Variants in KRT25 observed in about 807,000 individuals in gnomAD.
KRT25 encodes keratin, type I cytoskeletal 25.
KRT25 carries 37 observed loss-of-function variants against 47.6 expected under a neutral mutation model. The observed-to-expected ratio is 0.78, with a 90% CI of 0.60 to 1.02. The LOEUF (loss-of-function observed/expected upper bound fraction) is 1.02. KRT25 is among the 50% of genes least tolerant of loss of function. The pLI is 0.00. For missense variants in KRT25, 542 were observed against 550.3 expected, an observed-to-expected ratio of 0.98 and a Z score of 0.15; for synonymous variants, 203 against 210.2, an observed-to-expected ratio of 0.97 and a Z score of 0.30.
chr17:40,754,734 A>G (rs1458224044), intron 1 of KRT25, 109 bp downstream of exon 1: 2 of 1,187,614 alleles, frequency 1.7e-6, no homozygotes, highest in Non-Finnish European at 2.3e-6. Flanking sequence ...AAAAAAAAAA[A>G]AAAAATCACA....
chr17:40,755,347 G>C, upstream of KRT25: 1 of 1,438,300 alleles, frequency 7.0e-7, no homozygotes, highest in Non-Finnish European at 9.4e-7. Flanking sequence ...AAAAGGTTTG[G>C]TTTGCCTTTT....
At chr17:40,752,621 T>C (rs1385582776) in intron 3 of KRT25, among the ~76,000 whole-genome samples, 2 of 152,206 alleles carry the variant, frequency 1.3e-5, no homozygotes, top group Non-Finnish European at 2.9e-5. Context: ...CATCTATATC[T>C]ATATATCTAT....
chr17:40,748,431 G>T, intron 7 of KRT25, 45 bp from the exon 8 acceptor site: 3 of 1,252,896 alleles, frequency 2.4e-6, no homozygotes, highest in Non-Finnish European at 3.4e-6. Context: ...GTTAAAAAAA[G>T]AATAAAAATT....
intron 3 of KRT25, among the ~76,000 whole-genome samples, chr17:40,753,615 C>T (rs1034646360): frequency 2.2e-5 from 3 of 137,378 alleles, no homozygotes; most frequent in Admixed American, 8.1e-5. Context: ...ACCCAGGAGG[C>T]GGAGCTTGCA....
intron 3 of KRT25, 108 bp downstream of exon 3, chr17:40,753,752 A>C (rs1323007727): frequency 2.4e-6 from 1 of 423,792 alleles, no homozygotes; most frequent in Non-Finnish European, 4.2e-6. Context: ...TCTGTCTGAC[A>C]ATGTGTCTTC....
intron 3 of KRT25, among the ~76,000 whole-genome samples, chr17:40,751,883 CGTGTGTGTGTGT>C (rs71152701): frequency 6.7e-6 from 1 of 149,020 alleles, no homozygotes. Flanking sequence ...TGTGTGCGTG[CGTGTGTGTGTGT>C]GTGTGTGTGT....
At chr17:40,748,872 T>C (rs1314914242) in intron 7 of KRT25, among the ~76,000 whole-genome samples, 1 of 152,212 alleles carries the variant, frequency 6.6e-6, no homozygotes, top group Non-Finnish European at 1.5e-5. Context: ...TATGCAGCCA[T>C]GAAAAAGAAC....
chr17:40,750,493 C>G lies in KRT25; in HGVS notation c.1062G>C (p.Gln354His). The change falls in exon 6 of 8, where the codon CAG (glutamine) becomes CAC (histidine). Residue 354 changes from glutamine to histidine, a missense_variant. Physicochemically the swap from Gln to His is conservative, Grantham distance 24 (BLOSUM62 0). Transcript: ENST00000312150. The part of the protein sequence containing the change: ...QIGALEEQLH[Q>H]VRTETEGQKL... ...TCTGGCCCTCGGTCTCGGTTCTGAC[C>G]TGGTGCAGCTGCTCCTCCAGGGCCC... is the stretch of plus-strand genomic sequence containing the variant. The G allele has an allele frequency of 1.2e-6, 2 of 1,614,168 alleles. No individual in the cohort carries two copies. The highest frequency in any genetic ancestry group is 1.7e-6 in the Non-Finnish European group (2 of 1,180,006).
Position 40,755,239 on chromosome 17 carries a change from C to T in KRT25, c.33G>A (p.Arg11=), listed in dbSNP as rs781400198. MSLRLSSASR[R]SCPRPTTGSL... is the part of the protein sequence containing the mutation. ...ATCCAGTGGTGGGACGAGGACAGGA[C>T]CTCCTGGATGCACTGGAAAGTCGAA... Residue 11 remains arginine, a synonymous_variant, in exon 1 of 8, where the codon AGG becomes AGA. Transcript: ENST00000312150. The T allele has an allele frequency of 1.0e-4, 162 of 1,613,958 alleles. 1 individual carries two copies. In the South Asian group the frequency reaches 1.7e-3, roughly 17 times the overall value.
At position 40,750,400 on chromosome 17, in the gene KRT25, G is replaced by A; in HGVS notation, c.1155C>T (p.Leu385=). The A allele has an allele frequency of 2.5e-6, 4 of 1,613,872 alleles. No homozygotes were observed. Among genetic ancestry groups the A allele is most frequent in the Non-Finnish European group, 3.4e-6 (4 of 1,179,826 alleles). ...HLEKEIETYC[L]LIGGDDGACK... ...CCTACCCATCATCTCCTCCTATAAG[G>A]AGACAGTAGGTCTCAATTTCTTTTT... Residue 385 remains leucine, a synonymous_variant, in exon 6 of 8, where the codon CTC becomes CTT. Coordinates refer to ENST00000312150, the MANE Select transcript of KRT25 (RefSeq NM_181534.4).
chr17:40,750,877 A>G (rs2038039544), intron 5 of KRT25, 77 bp downstream of exon 5: 1 of 1,514,522 alleles, frequency 6.6e-7, no homozygotes, highest in Admixed American at 1.9e-5. Flanking sequence ...CAATATTGTT[A>G]AGGTTTTTAA....
chr17:40,750,550 A>G lies in KRT25; in HGVS notation c.1005T>C (p.Cys335=). ...GAGCCTGGATCTGCGCCAGCTGCGC[A>G]CAGTAGTTGCTCTCGGTCTCTGTCA... is the stretch of plus-strand genomic sequence containing the variant. The part of the protein sequence containing the change: ...CSLTETESNY[C]AQLAQIQAQI... Residue 335 remains cysteine, a synonymous_variant, in exon 6 of 8, where the codon TGT becomes TGC. Coordinates refer to ENST00000312150, the MANE Select transcript of KRT25 (RefSeq NM_181534.4). The G allele has an allele frequency of 1.9e-6, 3 of 1,614,222 alleles. No homozygotes were observed. The highest frequency in any genetic ancestry group is 2.5e-6 in the Non-Finnish European group (3 of 1,180,044).
chr17:40,751,127 G>A (rs371155099), intron 4 of KRT25, 38 bp downstream of exon 4: 7 of 1,614,094 alleles, frequency 4.3e-6, no homozygotes, highest in Non-Finnish European at 5.1e-6. Flanking sequence ...GTGAATACCA[G>A]TAACATGCAA....
intron 6 of KRT25, 93 bp downstream of exon 6, chr17:40,750,287 G>A (rs897280239): frequency 1.0e-5 from 13 of 1,285,834 alleles, no homozygotes; most frequent in Non-Finnish European, 1.3e-5. Context: ...AATGCATGCA[G>A]CCAAATTATG....
chr17:40,753,671 G>T (rs1385923192), intron 3 of KRT25, among the ~76,000 whole-genome samples, 189 bp downstream of exon 3: 1 of 111,930 alleles, frequency 8.9e-6, no homozygotes, highest in Non-Finnish European at 1.7e-5. Flanking sequence ...ACGGCAGAGC[G>T]AGACTCCGTC....
chr17:40,754,023 G>A lies in KRT25; in HGVS notation c.513-7C>T. 2 of 1,613,452 alleles carry A rather than the reference G, an allele frequency of 1.2e-6. No homozygotes were observed. On this transcript the variant is annotated splice_polypyrimidine_tract_variant and splice_region_variant and intron_variant, in intron 2 of 7. Transcript: ENST00000312150. The stretch of plus-strand genomic sequence containing the variant: ...AGCCAGCTCATTTTCATACCTTAAA[G>A]AGTGTTAATGATTTCCTAATTTGTC...
chr17:40,750,478 G>A lies in KRT25; in HGVS notation c.1077C>T (p.Thr359=), dbSNP rs747902254. Reference sequence around the variant, plus strand: ...GCTCATACTCCAGCTTCTGGCCCTCGGTCTCGGTTCTGACCTGGTGCAGCT... The same window carrying A: ...GCTCATACTCCAGCTTCTGGCCCTCAGTCTCGGTTCTGACCTGGTGCAGCT... The part of the protein sequence containing the change: ...EEQLHQVRTE[T]EGQKLEYEQL... The change falls in exon 6 of 8, where the codon ACC becomes ACT. Residue 359 remains threonine, a synonymous_variant. Coordinates refer to ENST00000312150, the MANE Select transcript of KRT25 (RefSeq NM_181534.4). 1.1e-5 allele frequency: 18 copies of A among 1,613,922 alleles called. No homozygotes were observed. The highest frequency in any genetic ancestry group is 1.3e-5 in the African/African-American group (1 of 74,900).
chr17:40,752,071 A>G (rs2038055507), intron 3 of KRT25, among the ~76,000 whole-genome samples: 2 of 152,040 alleles, frequency 1.3e-5, no homozygotes, highest in South Asian at 2.1e-4. Context: ...AAGTTGCTTA[A>G]CCTTTTTACG....
At chr17:40,749,380 A>G (rs2038025937) in intron 6 of KRT25, 55 bp from the exon 7 acceptor site, 3 of 1,264,700 alleles carry the variant, frequency 2.4e-6, no homozygotes, top group Non-Finnish European at 3.5e-6. Flanking sequence ...CAATTCTAGG[A>G]TCACCATATG....
Sources: gnomAD v4.1 joint callset for allele counts (sites outside exome capture counted in the v4.1 genomes callset) on GRCh38, gnomAD v4.1.1 for gene constraint, MANE v1.5 for transcripts, NCBI Gene and HGNC (gene_info 2026-07-23, HGNC 2026-07-21) for gene names.